VSNL1: variants seen among roughly 807,000 people sequenced by gnomAD.
The protein encoded by VSNL1 is visinin-like protein 1.
VSNL1 carries 6 observed loss-of-function variants against 20.4 expected under a neutral mutation model. That is an observed-to-expected ratio of 0.29 (90% CI 0.16 to 0.58). The LOEUF (loss-of-function observed/expected upper bound fraction) is 0.58. Ranked by LOEUF, VSNL1 falls within the 20% of genes least tolerant of loss-of-function variation. VSNL1 has a pLI of 0.90. For missense variants in VSNL1, 100 were observed against 234.5 expected (o/e 0.43, Z 3.75); for synonymous variants, 93 against 86.4 (o/e 1.08, Z -0.42).
intron 2 of VSNL1, among the ~76,000 whole-genome samples, chr2:17,597,136 C>T (rs1197371019): frequency 3.3e-5 from 5 of 152,142 alleles, no homozygotes; most frequent in Non-Finnish European, 7.3e-5. Flanking sequence ...GGTTTGGGGG[C>T]AGTGGTCATG....
chr2:17,638,430 G>C (rs1416291482), intron 2 of VSNL1, among the ~76,000 whole-genome samples: 1 of 152,186 alleles, frequency 6.6e-6, no homozygotes, highest in Non-Finnish European at 1.5e-5. Context: ...GGAGTTGGTA[G>C]AACTCCTAGG....
chr2:17,615,432 G>A (rs1665193178), intron 2 of VSNL1, among the ~76,000 whole-genome samples: 1 of 152,152 alleles, frequency 6.6e-6, no homozygotes, highest in African/African-American at 2.4e-5. Context: ...TCAAATCAGG[G>A]CAGCTCCCAT....
intron 2 of VSNL1, among the ~76,000 whole-genome samples, chr2:17,644,906 T>C (rs968825463): frequency 6.6e-6 from 1 of 152,224 alleles, no homozygotes; most frequent in South Asian, 2.1e-4. Context: ...AGGGTGATTG[T>C]ATTTGTATAT....
At position 17,619,098 on chromosome 2, in the gene VSNL1, C is replaced by T. The variant is rs370022631; in HGVS notation, c.162+26862C>T. ...GCAGGGGCTCTCCCAGGATGCTTCA[C>T]AAGCTCCTCACAAGGTCCAAGAGGC... On this transcript the variant is annotated intron_variant, in intron 2 of 3. Transcript: ENST00000295156. Among the ~76,000 whole-genome samples, 41 of 152,328 alleles carry T rather than the reference C, an allele frequency of 2.7e-4. No individual in the cohort carries two copies. The South Asian group carries it at 8.3e-3, about 31-fold the overall frequency.
At chr2:17,611,879 A>G (rs1022421627) in intron 2 of VSNL1, among the ~76,000 whole-genome samples, 1 of 152,154 alleles carries the variant, frequency 6.6e-6, no homozygotes, top group East Asian at 1.9e-4. Context: ...CTGCTAAGGG[A>G]TTTATAGTTT....
chr2:17,587,956 A>C (rs545258831), intron 1 of VSNL1, among the ~76,000 whole-genome samples: 1 of 152,304 alleles, frequency 6.6e-6, no homozygotes, highest in South Asian at 2.1e-4. Flanking sequence ...ATCATTTGCC[A>C]TTAAGTGAAA....
chr2:17,597,620 A>G (rs913519499), intron 2 of VSNL1, among the ~76,000 whole-genome samples: 8 of 152,082 alleles, frequency 5.3e-5, no homozygotes, highest in African/African-American at 1.9e-4. Flanking sequence ...AGTTCCTACC[A>G]AGTCATTCCC....
intron 2 of VSNL1, among the ~76,000 whole-genome samples, chr2:17,608,892 G>T (rs185590665): frequency 3.3e-5 from 5 of 152,220 alleles, no homozygotes; most frequent in African/African-American, 1.2e-4. Context: ...TCCCTTAAAG[G>T]ACTAAAATTC....
chr2:17,601,281 C>T (rs1442335135), intron 2 of VSNL1, among the ~76,000 whole-genome samples: 2 of 152,130 alleles, frequency 1.3e-5, no homozygotes, highest in African/African-American at 4.8e-5. Flanking sequence ...ATGTGCTGTC[C>T]CGTTAGTAAT....
At chr2:17,552,469 A>G (rs1294990427) in intron 1 of VSNL1, among the ~76,000 whole-genome samples, 1 of 152,098 alleles carries the variant, frequency 6.6e-6, no homozygotes, top group East Asian at 1.9e-4. Context: ...TAATTTTTTT[A>G]TTAGGGAAAG....
intron 1 of VSNL1, among the ~76,000 whole-genome samples, chr2:17,584,480 C>T (rs1664423697): frequency 6.6e-6 from 1 of 152,066 alleles, no homozygotes. Flanking sequence ...ACATCTGGCC[C>T]CCAAGTTTCT....
At chr2:17,557,624 G>A (rs923987082) in intron 1 of VSNL1, among the ~76,000 whole-genome samples, 1 of 152,078 alleles carries the variant, frequency 6.6e-6, no homozygotes, top group African/African-American at 2.4e-5. Context: ...ACTAACACTC[G>A]TTTACCATTG....
At position 17,649,669 on chromosome 2, in the gene VSNL1, G is replaced by C. The variant is rs1666082311; in HGVS notation, c.378+44G>C. ...TTGGCGGGTGGTGGGCACAGAAGGA[G>C]ACCCCACGGCAGCCTCCTAGGTGCA... On this transcript the variant is annotated intron_variant, in intron 3 of 3. Transcript: ENST00000295156. This position sits in a 1 kb window ranked among gnomAD's most constrained non-coding sequence, Gnocchi z 6.4. The C allele has an allele frequency of 6.3e-7, 1 of 1,597,712 alleles. No homozygotes were observed. The highest frequency in any genetic ancestry group is 1.1e-5 in the South Asian group (1 of 90,260).
rs1232451265 is a variant in VSNL1, at chr2:17,634,151, A to T, written c.163-15259A>T. On this transcript the variant is annotated intron_variant, in intron 2 of 3. Transcript: ENST00000295156. This position sits in a 1 kb window ranked among gnomAD's most constrained non-coding sequence, Gnocchi z 4.3. ...AGGAGGGCATCAAAGAGCGTGCAGT[A>T]GAGAGGTTAAGGCCTAGACTTGCAG... Among the ~76,000 whole-genome samples the T allele has an allele frequency of 6.6e-6, 1 of 152,152 alleles. No individual in the cohort carries two copies. The highest frequency in any genetic ancestry group is 6.5e-5 in the Admixed American group (1 of 15,268).
At chr2:17,588,856 G>GA (rs947423892) in intron 1 of VSNL1, among the ~76,000 whole-genome samples, 3 of 151,698 alleles carry the variant, frequency 2.0e-5, no homozygotes, top group Non-Finnish European at 2.9e-5. Flanking sequence ...CATTTTCTCA[G>GA]AAAAAAAATA....
At chr2:17,542,677 C>T (rs144077480) in intron 1 of VSNL1, among the ~76,000 whole-genome samples, 10 of 152,260 alleles carry the variant, frequency 6.6e-5, no homozygotes, top group African/African-American at 2.2e-4. Context: ...GCCATACTCC[C>T]TGTCATCATT....
At chr2:17,651,999 G>C (rs1666132596) in intron 3 of VSNL1, among the ~76,000 whole-genome samples, 1 of 152,320 alleles carries the variant, frequency 6.6e-6, no homozygotes, top group Non-Finnish European at 1.5e-5. Context: ...AGAGCAGATG[G>C]AGAGTAGGTT....
intron 2 of VSNL1, among the ~76,000 whole-genome samples, chr2:17,611,995 C>A (rs1665100814): frequency 6.6e-6 from 1 of 152,142 alleles, no homozygotes; most frequent in African/African-American, 2.4e-5. Flanking sequence ...CAGAGGTGGG[C>A]AATGCAAGGC....
intron 1 of VSNL1, among the ~76,000 whole-genome samples, chr2:17,547,159 C>G (rs1220707542): frequency 6.6e-6 from 1 of 151,822 alleles, no homozygotes; most frequent in Non-Finnish European, 1.5e-5. Context: ...AATACTTAGA[C>G]AAAAATTCCC....
Sources: gnomAD v4.1 joint callset for allele counts (sites outside exome capture counted in the v4.1 genomes callset) on GRCh38, gnomAD v4.1.1 for gene constraint, Gnocchi (gnomAD v3.1) non-coding constraint, MANE v1.5 for transcripts, NCBI Gene and HGNC (gene_info 2026-07-23, HGNC 2026-07-21) for gene names.